GABRA1: variants seen among roughly 807,000 people sequenced by gnomAD.
The protein encoded by GABRA1 is gamma-aminobutyric acid type A receptor subunit alpha1, also known as gamma-aminobutyric acid receptor subunit alpha-1.
In GABRA1, 9 loss-of-function variants were observed where a neutral mutation model predicts 48.9. That is an observed-to-expected ratio of 0.18 (90% CI 0.11 to 0.32). The LOEUF (loss-of-function observed/expected upper bound fraction) is 0.32, where lower values mean the gene tolerates loss of function less well. Ranked by LOEUF, GABRA1 falls within the 10% of genes least tolerant of loss-of-function variation. The probability of loss-of-function intolerance (pLI) is 1.00; values close to 1 mark genes in which losing one functional copy is unlikely to be tolerated. For synonymous variants in GABRA1, 210 were observed against 198.7 expected (o/e 1.06, Z -0.48); for missense variants, 285 against 553.8 (o/e 0.51, Z 4.87).
intron 8 of GABRA1, among the ~76,000 whole-genome samples, chr5:161,892,206 T>A (rs1755122191): frequency 6.6e-6 from 1 of 152,180 alleles, no homozygotes; most frequent in Non-Finnish European, 1.5e-5. Flanking sequence ...AGAGGTGCAA[T>A]TATCAAGGTT....
intron 6 of GABRA1, 89 bp from the exon 7 acceptor site, chr5:161,882,469 A>G: frequency 8.0e-7 from 1 of 1,254,976 alleles, no homozygotes; most frequent in Non-Finnish European, 1.2e-6. Flanking sequence ...ACCATGATAT[A>G]GAAAATATGA....
chr5:161,849,032 G>A, intron 1 of GABRA1: 1 of 454,440 alleles, frequency 2.2e-6, no homozygotes, highest in Non-Finnish European at 4.4e-6. Context: ...GATGGCATGG[G>A]ATGGTAACGT....
chr5:161,861,529 A>G (rs528513543), intron 3 of GABRA1, among the ~76,000 whole-genome samples: 1 of 151,940 alleles, frequency 6.6e-6, no homozygotes, highest in African/African-American at 2.4e-5. Flanking sequence ...TGGAATCCCA[A>G]AACACTGAAG....
Position 161,897,815 on chromosome 5 carries a change from ATG to A in GABRA1, c.*396_*397del, listed in dbSNP as rs1755441925. 1 of 163,400 alleles carries A rather than the reference ATG, an allele frequency of 6.1e-6. No homozygotes were observed. The highest frequency in any genetic ancestry group is 1.3e-5 in the Non-Finnish European group (1 of 75,502). 10.1% of individuals were successfully genotyped at this position (163,400 alleles called of 1,614,324 possible). Reference sequence around the variant, plus strand: ...TACTGTATATGTCAAAAATATTTTTATGTGAAGGTGTTTCAAAGGGTAAATTA... The same window carrying A: ...TACTGTATATGTCAAAAATATTTTTATGAAGGTGTTTCAAAGGGTAAATTA... On this transcript the variant is annotated 3_prime_UTR_variant, in exon 10 of 10. Coordinates refer to ENST00000393943, the MANE Select transcript of GABRA1 (RefSeq NM_001127644.2).
In GABRA1 at chr5:161,897,498, CT is replaced by C. The variant is rs1755425144; in HGVS notation, c.*77del. The C allele has an allele frequency of 1.5e-6, 2 of 1,291,058 alleles. No individual in the cohort carries two copies. Among genetic ancestry groups the C allele is most frequent in the Non-Finnish European group, 2.2e-6 (2 of 892,934 alleles). 80.0% of individuals were successfully genotyped at this position (1,291,058 alleles called of 1,614,324 possible). ...ATGTTCTCAACGCAGTAATTCCCATCTGCTTTATTGCCTCTGTCTTAAAGAA... is the reference window on the plus strand; with the variant it reads ...ATGTTCTCAACGCAGTAATTCCCATCGCTTTATTGCCTCTGTCTTAAAGAA... On this transcript the variant is annotated 3_prime_UTR_variant, in exon 10 of 10. Coordinates refer to ENST00000393943, the MANE Select transcript of GABRA1 (RefSeq NM_001127644.2).
At chr5:161,848,676 AT>A (rs575284700) in intron 1 of GABRA1, 59 of 255,844 alleles carry the variant, frequency 2.3e-4, no homozygotes, top group African/African-American at 1.3e-3. Flanking sequence ...CATTATTATT[AT>A]TTTTTTCCCG....
intron 4 of GABRA1, among the ~76,000 whole-genome samples, chr5:161,867,454 A>G (rs1753916509): frequency 6.6e-6 from 1 of 152,150 alleles, no homozygotes; most frequent in African/African-American, 2.4e-5. Context: ...TCTGGGATTC[A>G]AGCTGGTTGA....
At chr5:161,849,029 T>A (rs1044365632) in intron 1 of GABRA1, 1 of 454,692 alleles carries the variant, frequency 2.2e-6, no homozygotes, top group Non-Finnish European at 4.4e-6. Context: ...ATGGATGGCA[T>A]GGGATGGTAA....
intron 6 of GABRA1, among the ~76,000 whole-genome samples, chr5:161,880,940 CT>C (rs1224963341): frequency 1.3e-5 from 2 of 152,156 alleles, no homozygotes; most frequent in Non-Finnish European, 2.9e-5. Context: ...TGCATTATGA[CT>C]TTTATGAGCC....
intron 3 of GABRA1, among the ~76,000 whole-genome samples, chr5:161,861,584 C>CT (rs145591375): frequency 0.047 from 7,111 of 151,830 alleles, 206 homozygotes; most frequent in African/African-American, 0.074. Flanking sequence ...TGTCTACCCC[C>CT]ATATCTAGAC....
Position 161,897,310 on chromosome 5 carries a change from AC to A in GABRA1, c.1261del (p.Arg421AspfsTer5). The stretch of plus-strand genomic sequence containing the variant: ...ACCTTTAACAGTGTCAGCAAAATTG[AC>A]CGACTGTCAAGAATAGCCTTCCCGC... ...KKTFNSVSKI[D>X]RLSRIAFPLL... On this transcript the variant is annotated frameshift_variant, in exon 10 of 10. Transcript: ENST00000393943. LOFTEE classifies it high-confidence loss of function. The A allele has an allele frequency of 6.2e-7, 1 of 1,614,168 alleles. No individual in the cohort carries two copies. Among genetic ancestry groups the A allele is most frequent in the African/African-American group, 1.3e-5 (1 of 75,054 alleles).
rs1201592307 is a variant in GABRA1 at position 161,898,634 on chromosome 5, A to G, written c.*1212A>G. On this transcript the variant is annotated 3_prime_UTR_variant, in exon 10 of 10. Transcript: ENST00000393943. ...AAGTCCACTTATGTAGACAAAACTT[A>G]TAATTTCCAAACTGTTGTCTAGTAT... is the stretch of plus-strand genomic sequence containing the variant. The G allele has an allele frequency of 6.6e-6, 1 of 152,416 alleles. No homozygotes were observed. The highest frequency in any genetic ancestry group is 1.9e-4 in the East Asian group (1 of 5,196). 9.4% of individuals were successfully genotyped at this position (152,416 alleles called of 1,614,324 possible). A position where few individuals can be genotyped will look rare whatever the true frequency, so the allele number is the denominator to read the frequency against.
intron 3 of GABRA1, among the ~76,000 whole-genome samples, chr5:161,863,142 A>G (rs1757924339): frequency 6.6e-6 from 1 of 151,870 alleles, no homozygotes; most frequent in African/African-American, 2.4e-5. Context: ...AGGGGATGTA[A>G]TATATAGTAT....
chr5:161,856,479 C>T (rs1382934061), intron 3 of GABRA1, among the ~76,000 whole-genome samples: 2 of 151,200 alleles, frequency 1.3e-5, no homozygotes, highest in African/African-American at 4.8e-5. Flanking sequence ...TTTATCTTTA[C>T]TAAAGATGGT....
In GABRA1 at chr5:161,866,128, G is replaced by A. The variant is rs530238999; in HGVS notation, c.255+340G>A. Among the ~76,000 whole-genome samples, 45 of 152,122 alleles carry A rather than the reference G, an allele frequency of 3.0e-4. 1 individual carries two copies. Among genetic ancestry groups the A allele is most frequent in the African/African-American group, 1.1e-3 (45 of 41,504 alleles). ...TAGCAGGCCATGTTGATTCAAGGAT[G>A]CTGTTTTCAGGCAACCAGAACTGTT... On this transcript the variant is annotated intron_variant, in intron 4 of 9. Transcript: ENST00000393943.
intron 7 of GABRA1, among the ~76,000 whole-genome samples, chr5:161,889,225 T>C (rs1754982370): frequency 1.3e-5 from 2 of 152,028 alleles, no homozygotes; most frequent in Non-Finnish European, 2.9e-5. Context: ...CCAGTTCTGA[T>C]TGAGGAGAAG....
At chr5:161,882,211 T>A (rs1754647589) in intron 6 of GABRA1, 1 of 349,174 alleles carries the variant, frequency 2.9e-6, no homozygotes, top group South Asian at 2.4e-5. Context: ...TTATCTCTAC[T>A]TGAAATTACA....
Position 161,857,938 on chromosome 5 carries a change from GA to G in GABRA1, c.187+3674del, listed in dbSNP as rs199925945. Among the ~76,000 whole-genome samples, 5 of 148,008 alleles carry G rather than the reference GA, an allele frequency of 3.4e-5. No individual in the cohort carries two copies. The South Asian group carries it at 1.1e-3, about 31-fold the overall frequency. ...GGTCAGTGTAGAAGAATAAAATAAG[GA>G]AAAAAGGATAAAAGTCAGAAAAAAT... On this transcript the variant is annotated intron_variant, in intron 3 of 9. Transcript: ENST00000393943.
rs1321143441 is a variant in GABRA1 at position 161,892,255 on chromosome 5, G to GGATAAA, written c.856+1205_856+1206insGATAAA. 1.2e-4 allele frequency among the ~76,000 whole-genome samples: 18 copies of GGATAAA among 152,208 alleles called. 1 individual carries two copies. The highest frequency in any genetic ancestry group is 3.9e-4 in the African/African-American group (16 of 41,464). ...TCAACTAGGCACCTGCTGTTTTTAA[G>GGATAAA]AGCTGTGCTAAAGGATAAAAGCCTT... On this transcript the variant is annotated intron_variant, in intron 8 of 9. Transcript: ENST00000393943.
Sources: allele counts gnomAD v4.1 joint callset (sites outside exome capture counted in the v4.1 genomes callset), GRCh38; gene constraint gnomAD v4.1.1; transcripts MANE v1.5; gene names NCBI Gene and HGNC (gene_info 2026-07-23, HGNC 2026-07-21).